Variants in SHISA9 observed in about 807,000 individuals in gnomAD.
SHISA9 encodes protein shisa-9.
Under a neutral mutation model 38.0 loss-of-function variants are expected in SHISA9, and 13 were observed. The ratio of observed to expected loss-of-function variants is 0.34; its 90% CI spans 0.22 to 0.54. The LOEUF is 0.54. Ranked by LOEUF, SHISA9 falls within the 20% of genes least tolerant of loss-of-function variation. SHISA9 has a pLI of 0.91. For synonymous variants in SHISA9, 275 were observed against 242.0 expected (o/e 1.14, Z -1.27); for missense variants, 538 against 575.8 (o/e 0.93, Z 0.67).
the SHISA9 span, among the ~76,000 whole-genome samples, chr16:13,520,467 G>A: frequency 2.0e-5 from 3 of 151,912 alleles, no homozygotes; most frequent in South Asian, 6.3e-4. Flanking sequence ...GCCGGTCATG[G>A]TGGCAGGCAC....
At chr16:13,406,258 G>A in the SHISA9 span, among the ~76,000 whole-genome samples, 2 of 152,162 alleles carry the variant, frequency 1.3e-5, no homozygotes, top group East Asian at 3.8e-4. Flanking sequence ...TCTTGTTAGT[G>A]CTTTGTAGAA....
chr16:13,070,948 C>T (rs945950303), intron 2 of SHISA9, among the ~76,000 whole-genome samples: 3 of 152,142 alleles, frequency 2.0e-5, no homozygotes, highest in African/African-American at 4.8e-5. Flanking sequence ...CCTTAATGTT[C>T]TCTTGCTTTC....
the SHISA9 span, among the ~76,000 whole-genome samples, chr16:13,402,011 C>T: frequency 2.0e-5 from 3 of 152,156 alleles, no homozygotes; most frequent in African/African-American, 7.2e-5. Context: ...AATTACCTCC[C>T]ATCGGGTTCC....
intron 2 of SHISA9, among the ~76,000 whole-genome samples, chr16:12,967,126 A>G (rs950164056): frequency 6.6e-6 from 1 of 152,212 alleles, no homozygotes; most frequent in Non-Finnish European, 1.5e-5. Context: ...TTATTGCCGC[A>G]CTATTCACAA....
At chr16:13,342,220 C>A in the SHISA9 span, among the ~76,000 whole-genome samples, 2 of 152,202 alleles carry the variant, frequency 1.3e-5, no homozygotes, top group African/African-American at 4.8e-5. Flanking sequence ...TGCTCTATAT[C>A]TCAGCTGCCA....
chr16:12,917,499 CAG>C (rs1469887657), intron 2 of SHISA9, among the ~76,000 whole-genome samples: 1 of 152,080 alleles, frequency 6.6e-6, no homozygotes, highest in African/African-American at 2.4e-5. Context: ...GTATTTTTCA[CAG>C]AGCATGACTG....
chr16:13,182,327 A>C (rs981391426), intron 2 of SHISA9, among the ~76,000 whole-genome samples: 3 of 152,230 alleles, frequency 2.0e-5, no homozygotes, highest in African/African-American at 7.2e-5. Context: ...CCTGGAGCTC[A>C]TTGTATAAAA....
the SHISA9 span, among the ~76,000 whole-genome samples, chr16:13,387,621 C>T: frequency 6.6e-6 from 1 of 152,158 alleles, no homozygotes; most frequent in Admixed American, 6.5e-5. Context: ...TCCCAAGTAG[C>T]TGGGATTACA....
chr16:13,418,094 C>T, the SHISA9 span, among the ~76,000 whole-genome samples: 48 of 152,090 alleles, frequency 3.2e-4, no homozygotes, highest in Non-Finnish European at 2.9e-5. Flanking sequence ...GGAGGGGAGG[C>T]CTAGCCTGAA....
chr16:13,382,942 G>A, the SHISA9 span, among the ~76,000 whole-genome samples: 1 of 152,262 alleles, frequency 6.6e-6, no homozygotes, highest in Non-Finnish European at 1.5e-5. Flanking sequence ...ATATGTTACT[G>A]ATCACATGTC....
At chr16:13,444,705 T>A in the SHISA9 span, among the ~76,000 whole-genome samples, 1 of 152,032 alleles carries the variant, frequency 6.6e-6, no homozygotes, top group East Asian at 1.9e-4. Flanking sequence ...TTAACCCTTG[T>A]GCATTCTTCA....
At chr16:13,093,976 C>T (rs949389229) in intron 2 of SHISA9, among the ~76,000 whole-genome samples, 29 of 152,194 alleles carry the variant, frequency 1.9e-4, no homozygotes, top group Admixed American at 2.6e-4. Flanking sequence ...ATTCTGCCTG[C>T]GTCCCAGCCA....
At chr16:13,394,211 A>C in the SHISA9 span, among the ~76,000 whole-genome samples, 1 of 152,210 alleles carries the variant, frequency 6.6e-6, no homozygotes, top group East Asian at 1.9e-4. Flanking sequence ...AGACAGTCCC[A>C]ATGCCCAGCC....
In SHISA9 at chr16:13,238,851, A is replaced by AT. The variant is rs2051410633; in HGVS notation, c.*3443dup. 3 of 140,428 alleles carry AT rather than the reference A, an allele frequency of 2.1e-5. No homozygotes were observed. The highest frequency in any genetic ancestry group is 3.0e-5 in the Non-Finnish European group (2 of 66,158). 8.7% of individuals were successfully genotyped at this position (140,428 alleles called of 1,614,324 possible). Reference sequence around the variant, plus strand: ...TATTATTATTATTATTATTATTATTATACTTTAAGTTTTAGGGTACATGTG... The same window carrying AT: ...TATTATTATTATTATTATTATTATTATTACTTTAAGTTTTAGGGTACATGTG... On this transcript the variant is annotated 3_prime_UTR_variant, in exon 5 of 5. Coordinates refer to ENST00000558583, the MANE Select transcript of SHISA9 (RefSeq NM_001145204.3).
At chr16:13,153,962 TG>T (rs2050521465) in intron 2 of SHISA9, among the ~76,000 whole-genome samples, 1 of 17,634 alleles carries the variant, frequency 5.7e-5, no homozygotes, top group Admixed American at 9.4e-4. Flanking sequence ...GGGATGGGAG[TG>T]GGGGTGGGGG....
the SHISA9 span, among the ~76,000 whole-genome samples, chr16:13,320,362 CA>C: frequency 2.7e-5 from 4 of 148,168 alleles, no homozygotes; most frequent in Non-Finnish European, 5.9e-5. Flanking sequence ...AGCAACCCAG[CA>C]AGTTCCAATT....
intron 2 of SHISA9, among the ~76,000 whole-genome samples, chr16:13,158,614 G>C (rs1434956048): frequency 6.6e-6 from 1 of 152,142 alleles, no homozygotes; most frequent in African/African-American, 2.4e-5. Context: ...GCCAAGCCTA[G>C]GTCACATGCT....
At chr16:13,187,005 G>A (rs1038471624) in intron 2 of SHISA9, among the ~76,000 whole-genome samples, 1 of 152,136 alleles carries the variant, frequency 6.6e-6, no homozygotes, top group Non-Finnish European at 1.5e-5. Flanking sequence ...CCACCTCCTG[G>A]CTGTTGTGAA....
chr16:13,434,419 G>GTTTTTTTTTTTTTTTTTTTTTTTTT, the SHISA9 span, among the ~76,000 whole-genome samples: 107 of 64,512 alleles, frequency 1.7e-3, 11 homozygotes, highest in Non-Finnish European at 2.6e-3. Flanking sequence ...GACAAGCTAT[G>GTTTTTTTTTTTTTTTTTTTTTTTTT]TTTTTTTTTT....
Sources: allele counts gnomAD v4.1 joint callset (sites outside exome capture counted in the v4.1 genomes callset), GRCh38; gene constraint gnomAD v4.1.1; transcripts MANE v1.5; gene names NCBI Gene and HGNC (gene_info 2026-07-23, HGNC 2026-07-21).